ETFA: variants seen among roughly 807,000 people sequenced by gnomAD.
The protein encoded by ETFA is electron transfer flavoprotein subunit alpha.
ETFA carries 22 observed loss-of-function variants against 46.2 expected under a neutral mutation model. That is an observed-to-expected ratio of 0.48 (90% CI 0.34 to 0.68). ETFA has a LOEUF of 0.68. Among genes scored for constraint, ETFA ranks in the 30% least tolerant of loss-of-function variants. The probability of loss-of-function intolerance (pLI) is 0.01; values close to 1 mark genes in which losing one functional copy is unlikely to be tolerated. For missense variants in ETFA, 345 were observed against 401.1 expected, an observed-to-expected ratio of 0.86 and a Z score of 1.19; for synonymous variants, 131 against 139.9, an observed-to-expected ratio of 0.94 and a Z score of 0.45.
chr15:76,257,003 C>T (rs908490390), intron 9 of ETFA, among the ~76,000 whole-genome samples: 4 of 152,136 alleles, frequency 2.6e-5, no homozygotes, highest in South Asian at 2.1e-4. Flanking sequence ...ATAACAAAAT[C>T]GCCTAATGAC....
rs2039380416 is a variant in ETFA at position 76,259,510 on chromosome 15, T to A, written c.816+14902A>T. The A allele has an allele frequency of 4.7e-6, 4 of 842,404 alleles. No homozygotes were observed. The South Asian group carries it at 5.3e-5, about 11-fold the overall frequency. The allele number at this position is 842,404 out of a possible 1,614,324, so 52.2% of individuals were successfully genotyped here. A position where few individuals can be genotyped will look rare whatever the true frequency, so the allele number is the denominator to read the frequency against. On this transcript the variant is annotated intron_variant, in intron 9 of 11. Coordinates refer to ENST00000557943, the MANE Select transcript of ETFA (RefSeq NM_000126.4). The stretch of plus-strand genomic sequence containing the variant: ...TAGTTGTAAATCTCAGTGTTTTCGA[T>A]GCCAGCGTATGGTGTCTGCCCACGT...
At chr15:76,289,773 T>A (rs1001151087) in intron 4 of ETFA, among the ~76,000 whole-genome samples, 3 of 152,266 alleles carry the variant, frequency 2.0e-5, no homozygotes, top group Admixed American at 2.0e-4. Flanking sequence ...CTTCTTCTGA[T>A]AGACGTTTCT....
chr15:76,216,983 A>C (rs2038903420), intron 11 of ETFA, among the ~76,000 whole-genome samples: 1 of 150,188 alleles, frequency 6.7e-6, no homozygotes, highest in South Asian at 2.1e-4. Flanking sequence ...GTAGCCACCA[A>C]CCTGTCTAAT....
At chr15:76,288,823 C>G (rs1202293087) in intron 4 of ETFA, among the ~76,000 whole-genome samples, 1 of 151,380 alleles carries the variant, frequency 6.6e-6, no homozygotes, top group Admixed American at 6.6e-5. Context: ...TGTGCTTGTA[C>G]TGAAATAGAT....
intron 9 of ETFA, among the ~76,000 whole-genome samples, chr15:76,243,473 T>C (rs2039212315): frequency 6.6e-6 from 1 of 152,138 alleles, no homozygotes; most frequent in Non-Finnish European, 1.5e-5. Context: ...ATAGGATTTA[T>C]AGAAATTCAC....
chr15:76,279,352 T>C (rs1333730431), intron 8 of ETFA, among the ~76,000 whole-genome samples: 1 of 152,160 alleles, frequency 6.6e-6, no homozygotes, highest in Non-Finnish European at 1.5e-5. Context: ...TACAGCTCAC[T>C]GCAGCCTTAA....
intron 11 of ETFA, 69 bp downstream of exon 11, chr15:76,225,780 C>T (rs2038998216): frequency 1.0e-6 from 1 of 960,746 alleles, no homozygotes; most frequent in African/African-American, 1.6e-5. Flanking sequence ...TAGCTTCATC[C>T]CTAACCATTT....
chr15:76,219,801 G>A (rs1009320077), intron 11 of ETFA, among the ~76,000 whole-genome samples: 12 of 152,154 alleles, frequency 7.9e-5, no homozygotes. Flanking sequence ...CACCTACTAG[G>A]ATGACTAGAA....
rs778504552 is a variant in ETFA at position 76,285,733 on chromosome 15, T to C, written c.568A>G (p.Ser190Gly). Residue 190 changes from serine (S) to glycine (G), a missense_variant, in exon 7 of 12, where the codon AGT becomes GGT. By Grantham distance (56) the Ser-to-Gly change is moderately conservative. Transcript: ENST00000557943. ...TCTGATATTTCCACTGGTGAAGTACTTGATGCTGCATACATTAATACATAA... is the reference window on the plus strand; with the variant it reads ...TCTGATATTTCCACTGGTGAAGTACCTGATGCTGCATACATTAATACATAA... ...GGSASSEKAS[S>G]TSPVEISEWL... 1.9e-6 allele frequency: 3 copies of C among 1,576,470 alleles called. No individual in the cohort carries two copies. Among genetic ancestry groups the C allele is most frequent in the Admixed American group, 1.7e-5 (1 of 59,974 alleles).
At position 76,285,272 on chromosome 15, in the gene ETFA, T is replaced by C. The variant is rs114920172; in HGVS notation, c.664+365A>G. The stretch of plus-strand genomic sequence containing the variant: ...AAATCTTTCCAAGTGGAAAGAAGGG[T>C]AGGAATTATACACAAGATGGCCCTG... On this transcript the variant is annotated intron_variant, in intron 7 of 11. Transcript: ENST00000557943. 5.2e-3 allele frequency among the ~76,000 whole-genome samples: 795 copies of C among 152,250 alleles called. 8 individuals carry two copies. Among genetic ancestry groups the C allele is most frequent in the African/African-American group, 0.018 (735 of 41,534 alleles).
chr15:76,285,701 A>T lies in ETFA; in HGVS notation c.600T>A (p.Leu200=). ...STSPVEISEW[L]DQKLTKSDRP... ...GATCACTTTTTGTTAATTTCTGGTC[A>T]AGCCACTCTGATATTTCCACTGGTG... Residue 200 remains leucine (L), a synonymous_variant, in exon 7 of 12, where the codon CTT becomes CTA. Coordinates refer to ENST00000557943, the MANE Select transcript of ETFA (RefSeq NM_000126.4). The T allele has an allele frequency of 6.2e-7, 1 of 1,612,680 alleles. No individual in the cohort carries two copies. Among genetic ancestry groups the T allele is most frequent in the Non-Finnish European group, 8.5e-7 (1 of 1,178,694 alleles).
At chr15:76,257,910 T>C (rs1447674971) in intron 9 of ETFA, among the ~76,000 whole-genome samples, 2 of 150,430 alleles carry the variant, frequency 1.3e-5, no homozygotes, top group Non-Finnish European at 2.9e-5. Flanking sequence ...CAGTAAATTA[T>C]CGCAAGGACA....
intron 7 of ETFA, among the ~76,000 whole-genome samples, chr15:76,285,200 TAAG>T (rs1027855842): frequency 1.5e-4 from 23 of 152,330 alleles, no homozygotes; most frequent in African/African-American, 3.8e-4. Flanking sequence ...TATTAAATGT[TAAG>T]AAACTTTTTA....
chr15:76,250,545 T>C (rs1221157945), intron 9 of ETFA, among the ~76,000 whole-genome samples: 1 of 152,104 alleles, frequency 6.6e-6, no homozygotes, highest in Non-Finnish European at 1.5e-5. Flanking sequence ...TAATGGCTAC[T>C]TTTTTCCTTT....
chr15:76,280,573 T>G (rs1028684691), intron 8 of ETFA, among the ~76,000 whole-genome samples: 1 of 152,152 alleles, frequency 6.6e-6, no homozygotes, highest in African/African-American at 2.4e-5. Context: ...TTCACAAAAC[T>G]GCAGCCAAAG....
intron 11 of ETFA, among the ~76,000 whole-genome samples, chr15:76,220,947 C>T (rs2038951023): frequency 6.6e-6 from 1 of 152,144 alleles, no homozygotes; most frequent in African/African-American, 2.4e-5. Flanking sequence ...CTCAGAGTTA[C>T]CAGGTGACCC....
intron 11 of ETFA, among the ~76,000 whole-genome samples, chr15:76,221,031 T>A (rs930461054): frequency 3.9e-5 from 6 of 152,218 alleles, no homozygotes; most frequent in African/African-American, 1.4e-4. Flanking sequence ...TATGTGAATG[T>A]TCATAGCAGC....
intron 11 of ETFA, among the ~76,000 whole-genome samples, chr15:76,219,130 T>C (rs768935569): frequency 6.6e-6 from 1 of 151,926 alleles, no homozygotes; most frequent in Non-Finnish European, 1.5e-5. Context: ...GTTCCAGAGA[T>C]AGTAAAGAGA....
At chr15:76,297,609 A>C (rs1165983422) in intron 1 of ETFA, among the ~76,000 whole-genome samples, 2 of 152,124 alleles carry the variant, frequency 1.3e-5, no homozygotes, top group Admixed American at 1.3e-4. Flanking sequence ...TTCTATCATA[A>C]GATAAATTAA....
Sources: allele counts gnomAD v4.1 joint callset (sites outside exome capture counted in the v4.1 genomes callset), GRCh38; gene constraint gnomAD v4.1.1; transcripts MANE v1.5; gene names NCBI Gene and HGNC (gene_info 2026-07-23, HGNC 2026-07-21).